The following DOCK4 variants were observed in gnomAD, a reference collection of about 807,000 sequenced individuals.
The protein encoded by DOCK4 is dedicator of cytokinesis protein 4.
In DOCK4, 97 loss-of-function variants were observed where a neutral mutation model predicts 268.1. The observed-to-expected ratio is 0.36, with a 90% CI of 0.31 to 0.43. The LOEUF is 0.43. Among genes scored for constraint, DOCK4 ranks in the 20% least tolerant of loss-of-function variants. DOCK4 has a pLI of 1.00. For missense variants in DOCK4, 2,145 were observed against 2,455.7 expected (o/e 0.87, Z 2.67); for synonymous variants, 954 against 887.2 (o/e 1.08, Z -1.34).
chr7:112,162,131 TA>T (rs1489193449), intron 1 of DOCK4, among the ~76,000 whole-genome samples: 33 of 152,180 alleles, frequency 2.2e-4, no homozygotes, highest in African/African-American at 7.7e-4. Context: ...CCAAAGAAAG[TA>T]AGTAATTCCA....
chr7:111,934,753 A>G (rs1366073854), intron 12 of DOCK4, among the ~76,000 whole-genome samples: 3 of 144,464 alleles, frequency 2.1e-5, no homozygotes, highest in Admixed American at 1.4e-4. Context: ...GTTAGCCAGG[A>G]TGGTCTCGAT....
intron 1 of DOCK4, among the ~76,000 whole-genome samples, chr7:112,175,791 A>G (rs1818458774): frequency 1.3e-5 from 2 of 148,924 alleles, no homozygotes; most frequent in Admixed American, 6.7e-5. Flanking sequence ...ATGTGCATCA[A>G]TTTTATTCCT....
At chr7:111,884,453 C>T (rs1388386249) in intron 16 of DOCK4, among the ~76,000 whole-genome samples, 1 of 152,132 alleles carries the variant, frequency 6.6e-6, no homozygotes, top group East Asian at 1.9e-4. Context: ...TTGTTTTAGC[C>T]AAGTTTTGAA....
intron 2 of DOCK4, among the ~76,000 whole-genome samples, chr7:112,001,792 A>T (rs1167474314): frequency 6.6e-6 from 1 of 152,194 alleles, no homozygotes; most frequent in Non-Finnish European, 1.5e-5. Flanking sequence ...TAGGATGTAT[A>T]AGGTTCAGTA....
intron 51 of DOCK4, 107 bp downstream of exon 51, chr7:111,734,931 GCTACTAAGGTTTTTAT>G (rs1736414058): frequency 2.7e-6 from 2 of 731,116 alleles, no homozygotes; most frequent in African/African-American, 3.5e-5. Context: ...GAATTATGCA[GCTACTAAGGTTTTTAT>G]CCCAGAAATC....
chr7:112,178,009 T>TAATC (rs1370459234), intron 1 of DOCK4, among the ~76,000 whole-genome samples: 1 of 152,190 alleles, frequency 6.6e-6, no homozygotes, highest in African/African-American at 2.4e-5. Flanking sequence ...TGTGGGACCA[T>TAATC]AATCAATCCA....
chr7:111,762,762 C>CTTTTTTTTTGTTTTTTTT (rs1797508511), intron 39 of DOCK4, among the ~76,000 whole-genome samples: 2 of 63,066 alleles, frequency 3.2e-5, no homozygotes, highest in Non-Finnish European at 6.0e-5. Context: ...GTTTTGTTTT[C>CTTTTTTTTTGTTTTTTTT]TTTTTTTTTT....
chr7:112,075,594 A>T (rs1413428436), intron 1 of DOCK4, among the ~76,000 whole-genome samples: 1 of 152,200 alleles, frequency 6.6e-6, no homozygotes, highest in Non-Finnish European at 1.5e-5. Context: ...GGCCATACTC[A>T]TTGGCAACAA....
At chr7:111,731,177 C>T (rs1397497528) in intron 52 of DOCK4, among the ~76,000 whole-genome samples, 10 of 152,312 alleles carry the variant, frequency 6.6e-5, no homozygotes, top group African/African-American at 2.2e-4. Context: ...ATCACTTGCA[C>T]TTACCCGCGA....
chr7:111,797,079 T>C (rs531113635), intron 30 of DOCK4, among the ~76,000 whole-genome samples: 1 of 152,324 alleles, frequency 6.6e-6, no homozygotes, highest in African/African-American at 2.4e-5. Context: ...TTATCTTCAG[T>C]TTACACCCCT....
chr7:111,901,332 C>CAA (rs398047987), intron 14 of DOCK4, among the ~76,000 whole-genome samples: 1,725 of 73,504 alleles, frequency 0.023, 56 homozygotes, highest in African/African-American at 0.066. Flanking sequence ...GATTCTGTCT[C>CAA]AAAAAAAAAA....
At chr7:112,058,752 A>G (rs1446824279) in intron 1 of DOCK4, among the ~76,000 whole-genome samples, 1 of 152,192 alleles carries the variant, frequency 6.6e-6, no homozygotes, top group African/African-American at 2.4e-5. Flanking sequence ...AGAAAAAGGA[A>G]AAAGAATCTG....
intron 1 of DOCK4, among the ~76,000 whole-genome samples, chr7:112,191,863 T>C (rs1819980698): frequency 1.3e-5 from 2 of 151,734 alleles, no homozygotes; most frequent in African/African-American, 2.4e-5. Flanking sequence ...AGCTGGGTTT[T>C]CCTCTGCCTG....
intron 6 of DOCK4, among the ~76,000 whole-genome samples, chr7:111,988,525 T>G (rs1009583127): frequency 2.0e-5 from 3 of 152,206 alleles, no homozygotes; most frequent in Admixed American, 1.3e-4. Flanking sequence ...CTAATGTGTA[T>G]GTACAGGACT....
intron 1 of DOCK4, among the ~76,000 whole-genome samples, chr7:112,046,071 T>C (rs17159199): frequency 0.036 from 5,418 of 152,256 alleles, 308 homozygotes; most frequent in African/African-American, 0.12. Context: ...AAATAACAAC[T>C]GTACAGAAAA....
intron 1 of DOCK4, among the ~76,000 whole-genome samples, chr7:112,197,998 T>C (rs1293497702): frequency 1.3e-5 from 2 of 148,960 alleles, no homozygotes; most frequent in African/African-American, 5.0e-5. Context: ...AAAAGTTGGT[T>C]CTTTTGTTGA....
chr7:111,762,285 TAG>T (rs1797458428), intron 39 of DOCK4, among the ~76,000 whole-genome samples: 2 of 152,238 alleles, frequency 1.3e-5, no homozygotes, highest in Non-Finnish European at 1.5e-5. Context: ...AGTATATTTA[TAG>T]AGTTGTGCAA....
chr7:111,755,902 T>C (rs532854709), intron 41 of DOCK4, among the ~76,000 whole-genome samples: 1 of 152,342 alleles, frequency 6.6e-6, no homozygotes, highest in South Asian at 2.1e-4. Context: ...TCTCCAAGAT[T>C]CTAATTCAAA....
intron 1 of DOCK4, among the ~76,000 whole-genome samples, chr7:112,192,313 G>A (rs1299984092): frequency 2.0e-5 from 3 of 152,074 alleles, no homozygotes; most frequent in Non-Finnish European, 4.4e-5. Flanking sequence ...TTACCCAAAA[G>A]GAAGAGGAAG....
Sources: gnomAD v4.1 joint callset for allele counts (sites outside exome capture counted in the v4.1 genomes callset) on GRCh38, gnomAD v4.1.1 for gene constraint, MANE v1.5 for transcripts, NCBI Gene and HGNC (gene_info 2026-07-23, HGNC 2026-07-21) for gene names.